The following RAPGEF2 variants were observed in gnomAD, a reference collection of about 807,000 sequenced individuals.
RAPGEF2 encodes PDZ domain containing guanine nucleotide exchange factor (GEF) 1.
RAPGEF2 carries 54 observed loss-of-function variants against 186.7 expected under a neutral mutation model. That is an observed-to-expected ratio of 0.29 (90% CI 0.23 to 0.36). The LOEUF (loss-of-function observed/expected upper bound fraction) is 0.36. Among genes scored for constraint, RAPGEF2 ranks in the 10% least tolerant of loss-of-function variants. The probability of loss-of-function intolerance (pLI) is 1.00; values close to 1 mark genes in which losing one functional copy is unlikely to be tolerated. For synonymous variants in RAPGEF2, 712 were observed against 705.9 expected, an observed-to-expected ratio of 1.01 and a Z score of -0.14; for missense variants, 1,532 against 2,045.0, an observed-to-expected ratio of 0.75 and a Z score of 4.84.
chr4:159,148,204 T>C (rs1743146342), intron 1 of RAPGEF2, among the ~76,000 whole-genome samples: 1 of 152,160 alleles, frequency 6.6e-6, no homozygotes, highest in South Asian at 2.1e-4. Context: ...CATCTGATGT[T>C]GAAAAACAGC....
At chr4:159,285,265 A>G (rs1234479089) in intron 7 of RAPGEF2, among the ~76,000 whole-genome samples, 5 of 152,154 alleles carry the variant, frequency 3.3e-5, no homozygotes, top group South Asian at 2.1e-4. Flanking sequence ...AGTGAAGAGG[A>G]CACATAACAA....
At chr4:159,250,912 G>C (rs569823237) in intron 7 of RAPGEF2, among the ~76,000 whole-genome samples, 6 of 152,306 alleles carry the variant, frequency 3.9e-5, no homozygotes, top group Non-Finnish European at 8.8e-5. Context: ...TGCTTGCCGG[G>C]AGGTGTGGAG....
intron 1 of RAPGEF2, among the ~76,000 whole-genome samples, chr4:159,145,784 C>G (rs1056963150): frequency 6.6e-6 from 1 of 152,102 alleles, no homozygotes; most frequent in African/African-American, 2.4e-5. Flanking sequence ...CTGGAGGTAC[C>G]AAGGGCTGAG....
intron 7 of RAPGEF2, among the ~76,000 whole-genome samples, chr4:159,296,239 C>A (rs1762015802): frequency 6.6e-6 from 1 of 152,140 alleles, no homozygotes; most frequent in East Asian, 1.9e-4. Flanking sequence ...CTACCTTAAA[C>A]AAATTAGAAG....
intron 1 of RAPGEF2, among the ~76,000 whole-genome samples, chr4:159,157,951 G>A (rs1463404315): frequency 1.3e-5 from 2 of 152,138 alleles, no homozygotes; most frequent in African/African-American, 4.8e-5. Context: ...GGTAGGGACC[G>A]AGACAGGCAG....
Position 159,352,921 on chromosome 4 carries a change from C to T in RAPGEF2, c.4091+11C>T. 4.4e-6 allele frequency: 7 copies of T among 1,592,024 alleles called. No individual in the cohort carries two copies. Among genetic ancestry groups the T allele is most frequent in the Non-Finnish European group, 5.2e-6 (6 of 1,162,460 alleles). On this transcript the variant is annotated intron_variant, in intron 27 of 29. Transcript: ENST00000691494. ...TCAGTATAGCTTGGGGTAGGTGGCT[C>T]TTTTTAATATTCTTCTGAATTTATC... is the stretch of plus-strand genomic sequence containing the variant.
In RAPGEF2 at chr4:159,318,449, C is replaced by T. The variant is rs143496807; in HGVS notation, c.853+3681C>T. Among the ~76,000 whole-genome samples, 464 of 152,236 alleles carry T rather than the reference C, an allele frequency of 3.0e-3. 1 individual carries two copies. The highest frequency in any genetic ancestry group is 0.01 in the African/African-American group (434 of 41,534). ...GCAAAAAAGGGACAGATTATGTCCACGTGCATGCATGTGAGTGTGTGCATG... is the reference window on the plus strand; with the variant it reads ...GCAAAAAAGGGACAGATTATGTCCATGTGCATGCATGTGAGTGTGTGCATG... On this transcript the variant is annotated intron_variant, in intron 9 of 29. Coordinates refer to ENST00000691494, the MANE Select transcript of RAPGEF2 (RefSeq NM_001394067.2).
intron 28 of RAPGEF2, 99 bp downstream of exon 28, chr4:159,354,145 A>G (rs376419291): frequency 3.2e-6 from 4 of 1,246,362 alleles, no homozygotes; most frequent in Non-Finnish European, 4.3e-6. Flanking sequence ...TCTTTTCCTC[A>G]TTTTCTCCAT....
intron 26 of RAPGEF2, among the ~76,000 whole-genome samples, chr4:159,351,652 C>T (rs1460740304): frequency 6.6e-6 from 1 of 151,942 alleles, no homozygotes; most frequent in Non-Finnish European, 1.5e-5. Flanking sequence ...ATTAAAAATA[C>T]CAAGATAGGG....
chr4:159,121,626 C>A (rs1739691051), intron 1 of RAPGEF2, among the ~76,000 whole-genome samples: 1 of 151,896 alleles, frequency 6.6e-6, no homozygotes, highest in Non-Finnish European at 1.5e-5. Flanking sequence ...GCCTTGGCCT[C>A]CCAAAGTGTT....
chr4:159,231,426 C>G (rs1752634331), intron 4 of RAPGEF2, among the ~76,000 whole-genome samples: 1 of 151,928 alleles, frequency 6.6e-6, no homozygotes, highest in Admixed American at 6.6e-5. Flanking sequence ...CTCACAAATA[C>G]ATTATATGTC....
At chr4:159,291,786 G>T (rs76252873) in intron 7 of RAPGEF2, among the ~76,000 whole-genome samples, 1 of 145,944 alleles carries the variant, frequency 6.9e-6, no homozygotes, top group Non-Finnish European at 1.5e-5. Flanking sequence ...TAGTGCTGTT[G>T]TTTTTTTTTT....
intron 7 of RAPGEF2, among the ~76,000 whole-genome samples, chr4:159,261,330 G>A (rs1196542000): frequency 1.3e-5 from 2 of 151,974 alleles, no homozygotes; most frequent in African/African-American, 2.4e-5. Context: ...CCAAAGTGCT[G>A]GGATTACGGG....
intron 1 of RAPGEF2, among the ~76,000 whole-genome samples, chr4:159,170,388 G>A (rs751300129): frequency 5.3e-5 from 8 of 151,910 alleles, no homozygotes; most frequent in Non-Finnish European, 7.4e-5. Context: ...ACCATGGATC[G>A]AAGATATTTT....
Position 159,330,295 on chromosome 4 carries a change from GTA to G in RAPGEF2, c.1303-31_1303-30del, listed in dbSNP as rs368303569. Reference sequence around the variant, plus strand: ...TGTGTGTGTGTGTGTGTGTGTGTGTGTATATATATGTAGTAATTAAACCTTTT... The same window carrying G: ...TGTGTGTGTGTGTGTGTGTGTGTGTGTATATATGTAGTAATTAAACCTTTT... On this transcript the variant is annotated intron_variant, in intron 12 of 29. Coordinates refer to ENST00000691494, the MANE Select transcript of RAPGEF2 (RefSeq NM_001394067.2). 5.0e-3 allele frequency: 4,526 copies of G among 906,680 alleles called. 254 individuals carry two copies. The highest frequency in any genetic ancestry group is 0.017 in the African/African-American group (946 of 57,122). 56.2% of individuals were successfully genotyped at this position (906,680 alleles called of 1,614,324 possible). A position where few individuals can be genotyped will look rare whatever the true frequency, so the allele number is the denominator to read the frequency against.
At chr4:159,284,791 G>A (rs986666606) in intron 7 of RAPGEF2, among the ~76,000 whole-genome samples, 2 of 152,078 alleles carry the variant, frequency 1.3e-5, no homozygotes, top group Admixed American at 6.5e-5. Context: ...GTGGCTTCAC[G>A]CCTGTAATCG....
chr4:159,169,796 C>T (rs191697016), intron 1 of RAPGEF2, among the ~76,000 whole-genome samples: 1 of 152,044 alleles, frequency 6.6e-6, no homozygotes, highest in African/African-American at 2.4e-5. Flanking sequence ...ACCTATATAC[C>T]GCACTTTCTT....
At chr4:159,118,789 T>G (rs969385963) in intron 1 of RAPGEF2, among the ~76,000 whole-genome samples, 1 of 152,160 alleles carries the variant, frequency 6.6e-6, no homozygotes, top group Non-Finnish European at 1.5e-5. Flanking sequence ...TTCACCATGT[T>G]GACCAGACTG....
intron 7 of RAPGEF2, among the ~76,000 whole-genome samples, chr4:159,294,009 C>G (rs1443318161): frequency 6.6e-6 from 1 of 152,214 alleles, no homozygotes; most frequent in Admixed American, 6.5e-5. Flanking sequence ...GAAATGTAAT[C>G]TAGCGATGCA....
Sources: allele counts gnomAD v4.1 joint callset (sites outside exome capture counted in the v4.1 genomes callset), GRCh38; gene constraint gnomAD v4.1.1; transcripts MANE v1.5; gene names NCBI Gene and HGNC (gene_info 2026-07-23, HGNC 2026-07-21).